AHCYL2: variants seen among roughly 807,000 people sequenced by gnomAD.
AHCYL2 encodes the protein adenosylhomocysteinase like 2.
In AHCYL2, 28 loss-of-function variants were observed where a neutral mutation model predicts 81.4. That is an observed-to-expected ratio of 0.34 (90% CI 0.25 to 0.47). The LOEUF (loss-of-function observed/expected upper bound fraction) is 0.47. Ranked by LOEUF, AHCYL2 falls within the 20% of genes least tolerant of loss-of-function variation. The pLI, the probability that AHCYL2 is intolerant of heterozygous loss-of-function variation, is 1.00. For synonymous variants in AHCYL2, 272 were observed against 290.2 expected (o/e 0.94, Z 0.64); for missense variants, 551 against 785.1 (o/e 0.70, Z 3.56).
intron 1 of AHCYL2, among the ~76,000 whole-genome samples, chr7:129,367,395 G>A (rs1185597218): frequency 3.3e-5 from 5 of 152,162 alleles, no homozygotes; most frequent in Non-Finnish European, 7.3e-5. Flanking sequence ...AATGAACTAA[G>A]CAGGTGAGAT....
At chr7:129,379,532 A>G (rs952103135) in intron 1 of AHCYL2, 106 bp from the exon 2 acceptor site, 8 of 746,794 alleles carry the variant, frequency 1.1e-5, no homozygotes, top group Admixed American at 2.8e-5. Context: ...GGTTGATACA[A>G]TCAGATCAAC....
chr7:129,233,611 A>T (rs1286247565), intron 1 of AHCYL2, among the ~76,000 whole-genome samples: 1 of 151,696 alleles, frequency 6.6e-6, no homozygotes, highest in African/African-American at 2.4e-5. Flanking sequence ...CCTCAGCCTC[A>T]TGAGTAGCTG....
chr7:129,281,198 A>G (rs1052039040), intron 1 of AHCYL2, among the ~76,000 whole-genome samples: 10 of 151,958 alleles, frequency 6.6e-5, no homozygotes, highest in African/African-American at 2.4e-4. Context: ...CTCACCTTCT[A>G]TTCTTAGGGT....
In AHCYL2 at chr7:129,362,819, C is replaced by T. The variant is rs76776600; in HGVS notation, c.364-16819C>T. 7.3e-3 allele frequency among the ~76,000 whole-genome samples: 1,109 copies of T among 152,112 alleles called. 5 individuals are homozygous for T. Among genetic ancestry groups the T allele is most frequent in the Non-Finnish European group, 0.012 (839 of 68,000 alleles). On this transcript the variant is annotated intron_variant, in intron 1 of 16. Transcript: ENST00000325006. ...GAAGACAGGGTCACATTCTTGTATT[C>T]CTTGCCCTGTGCCTTATCTCTAGGT...
intron 12 of AHCYL2, among the ~76,000 whole-genome samples, chr7:129,416,302 T>G (rs1796845280): frequency 6.6e-6 from 1 of 152,112 alleles, no homozygotes; most frequent in South Asian, 2.1e-4. Context: ...TCTAAATGCT[T>G]GGAGACAGTG....
intron 1 of AHCYL2, among the ~76,000 whole-genome samples, chr7:129,298,992 C>T (rs1199394757): frequency 1.3e-5 from 2 of 151,080 alleles, no homozygotes; most frequent in African/African-American, 4.9e-5. Context: ...GTTATTGTAG[C>T]GAAAAAAAGT....
At chr7:129,248,510 C>T (rs56682686) in intron 1 of AHCYL2, among the ~76,000 whole-genome samples, 7 of 140,174 alleles carry the variant, frequency 5.0e-5, no homozygotes, top group East Asian at 2.1e-4. Flanking sequence ...TTCTTTTTTT[C>T]TTTTTTTTTT....
intron 1 of AHCYL2, chr7:129,375,648 C>T: frequency 7.3e-7 from 1 of 1,370,170 alleles, no homozygotes; most frequent in Non-Finnish European, 9.4e-7. Context: ...TTAGGAATGG[C>T]TGTTGAGCCA....
intron 1 of AHCYL2, chr7:129,351,588 T>C (rs1400332132): frequency 2.6e-5 from 4 of 152,210 alleles, no homozygotes; most frequent in South Asian, 2.1e-4. Context: ...GTAGAGGCTA[T>C]GGAAGATTGG....
chr7:129,307,447 C>T (rs1797481359), intron 1 of AHCYL2, among the ~76,000 whole-genome samples: 1 of 151,744 alleles, frequency 6.6e-6, no homozygotes, highest in Non-Finnish European at 1.5e-5. Flanking sequence ...CCCAAGGGCT[C>T]TTCAGTCAGC....
Position 129,430,029 on chromosome 7 carries a change from A to ATC in AHCYL2, c.*2985_*2986insCT, listed in dbSNP as rs979329525. The ATC allele has an allele frequency of 6.6e-6, 1 of 150,650 alleles. No homozygotes were observed. The highest frequency in any genetic ancestry group is 2.1e-4 in the South Asian group (1 of 4,814). The allele number at this position is 150,650 out of a possible 1,614,324, so 9.3% of individuals were successfully genotyped here. ...CTAAACTCTATATATACATATATAT[A>ATC]TATATATCTATATATCTATATACGT... On this transcript the variant is annotated 3_prime_UTR_variant, in exon 17 of 17. Transcript: ENST00000325006.
chr7:129,346,023 T>C (rs1406484628), intron 1 of AHCYL2, among the ~76,000 whole-genome samples: 2 of 152,174 alleles, frequency 1.3e-5, no homozygotes, highest in Non-Finnish European at 2.9e-5. Context: ...TTAGCAGTTA[T>C]CAGCATATAG....
intron 12 of AHCYL2, among the ~76,000 whole-genome samples, chr7:129,416,592 G>T (rs1160857279): frequency 6.6e-6 from 1 of 152,148 alleles, no homozygotes; most frequent in Admixed American, 6.6e-5. Context: ...GAGGTCAGGA[G>T]TTCAAGACCA....
intron 1 of AHCYL2, among the ~76,000 whole-genome samples, chr7:129,292,377 T>C (rs951518351): frequency 6.6e-6 from 1 of 152,222 alleles, no homozygotes; most frequent in African/African-American, 2.4e-5. Flanking sequence ...GCATATGTAA[T>C]AGAGCCCACT....
chr7:129,233,836 A>T (rs1021726815), intron 1 of AHCYL2, among the ~76,000 whole-genome samples: 6 of 152,052 alleles, frequency 3.9e-5, no homozygotes, highest in Non-Finnish European at 7.4e-5. Context: ...CATAGGCTTT[A>T]TGCCTCATTA....
intron 1 of AHCYL2, among the ~76,000 whole-genome samples, 158 bp downstream of exon 1, chr7:129,225,597 C>T (rs758009765): frequency 2.0e-5 from 3 of 152,284 alleles, no homozygotes; most frequent in South Asian, 2.1e-4. Flanking sequence ...AGATGCCCCC[C>T]AGCCGGCCCC....
chr7:129,410,953 G>C (rs1796541650), intron 11 of AHCYL2, among the ~76,000 whole-genome samples: 2 of 152,156 alleles, frequency 1.3e-5, no homozygotes, highest in Non-Finnish European at 2.9e-5. Context: ...GTTTTAAATA[G>C]AGATGAGGTC....
At chr7:129,289,420 A>T (rs1302908264) in intron 1 of AHCYL2, among the ~76,000 whole-genome samples, 1 of 152,206 alleles carries the variant, frequency 6.6e-6, no homozygotes, top group African/African-American at 2.4e-5. Flanking sequence ...GTTAGTAACT[A>T]TTGATGATTT....
intron 2 of AHCYL2, among the ~76,000 whole-genome samples, chr7:129,382,106 C>T (rs114549241): frequency 0.015 from 2,343 of 152,142 alleles, 63 homozygotes; most frequent in African/African-American, 0.053. Context: ...TGTTGTGTGA[C>T]GCTGGAAAAC....
Sources: allele counts gnomAD v4.1 joint callset (sites outside exome capture counted in the v4.1 genomes callset), GRCh38; gene constraint gnomAD v4.1.1; transcripts MANE v1.5; gene names NCBI Gene and HGNC (gene_info 2026-07-23, HGNC 2026-07-21).